PRKG1: variants seen among roughly 807,000 people sequenced by gnomAD.
The protein encoded by PRKG1 is protein kinase cGMP-dependent 1.
A neutral mutation model predicts 88.1 loss-of-function variants in PRKG1; 35 were observed. The observed-to-expected ratio is 0.40, with a 90% confidence interval of 0.30 to 0.53. The LOEUF is 0.53. Among genes scored for constraint, PRKG1 ranks in the 20% least tolerant of loss-of-function variants. The pLI is 0.59. For synonymous variants in PRKG1, 303 were observed against 292.5 expected, an observed-to-expected ratio of 1.04 and a Z score of -0.37; for missense variants, 540 against 839.8, an observed-to-expected ratio of 0.64 and a Z score of 4.41.
intron 3 of PRKG1, among the ~76,000 whole-genome samples, chr10:51,620,983 A>ATGTG (rs1314158540): frequency 1.9e-4 from 22 of 116,686 alleles, no homozygotes; most frequent in Admixed American, 4.9e-4. Context: ...CCGTATATGT[A>ATGTG]TGTGTGTGTG....
At chr10:51,128,205 A>G (rs868021253) in intron 1 of PRKG1, among the ~76,000 whole-genome samples, 43 of 56,174 alleles carry the variant, frequency 7.7e-4, no homozygotes, top group Admixed American at 1.8e-3. Flanking sequence ...TTTTTGTGAT[A>G]CTTAAAAAAA....
At chr10:51,842,701 A>G (rs1326526182) in intron 4 of PRKG1, among the ~76,000 whole-genome samples, 1 of 152,184 alleles carries the variant, frequency 6.6e-6, no homozygotes, top group Non-Finnish European at 1.5e-5. Context: ...GTGTATATGT[A>G]TATTCATATA....
intron 4 of PRKG1, among the ~76,000 whole-genome samples, chr10:51,889,570 C>T (rs1450678617): frequency 6.6e-6 from 1 of 152,036 alleles, no homozygotes; most frequent in Non-Finnish European, 1.5e-5. Flanking sequence ...TGGTTATATA[C>T]CTAGTAATTG....
chr10:51,358,028 A>C (rs1842403403), intron 2 of PRKG1, among the ~76,000 whole-genome samples: 2 of 151,962 alleles, frequency 1.3e-5, no homozygotes, highest in South Asian at 2.1e-4. Flanking sequence ...TTACGCCAAA[A>C]CTTAGTGGCT....
chr10:51,605,412 G>A (rs189139702), intron 3 of PRKG1, among the ~76,000 whole-genome samples: 2 of 152,270 alleles, frequency 1.3e-5, no homozygotes, highest in Admixed American at 1.3e-4. Flanking sequence ...TCGTATCACT[G>A]TTACACACCT....
intron 1 of PRKG1, among the ~76,000 whole-genome samples, chr10:51,009,559 A>G (rs1473147684): frequency 1.3e-5 from 2 of 152,234 alleles, no homozygotes. Flanking sequence ...TCTTAAGAAT[A>G]TAAGAAAAAT....
chr10:51,675,343 G>A (rs764567832), intron 3 of PRKG1, among the ~76,000 whole-genome samples: 2 of 152,188 alleles, frequency 1.3e-5, no homozygotes. Flanking sequence ...ACACAAATAT[G>A]AGTGTACTGT....
intron 2 of PRKG1, among the ~76,000 whole-genome samples, chr10:51,346,079 G>A (rs1842107118): frequency 6.6e-6 from 1 of 152,174 alleles, no homozygotes; most frequent in Non-Finnish European, 1.5e-5. Flanking sequence ...AGCCTGCTCT[G>A]TGTGATGTTT....
intron 3 of PRKG1, among the ~76,000 whole-genome samples, chr10:51,474,365 A>G (rs1035863927): frequency 1.3e-5 from 2 of 152,042 alleles, no homozygotes; most frequent in Non-Finnish European, 2.9e-5. Flanking sequence ...CTCCGCTTTC[A>G]CAAAAACTTA....
intron 4 of PRKG1, among the ~76,000 whole-genome samples, chr10:51,885,592 A>G (rs7894564): frequency 0.42 from 63,236 of 151,980 alleles, 13,484 homozygotes; most frequent in East Asian, 0.62. Flanking sequence ...TACTTCTCCC[A>G]TATCAAATCC....
rs1404944023 is a variant in PRKG1, at chr10:51,418,349, C to T, written c.479-49374C>T. Among the ~76,000 whole-genome samples the T allele has an allele frequency of 5.9e-5, 9 of 152,230 alleles. No individual in the cohort carries two copies. The East Asian group carries it at 1.5e-3, about 26-fold the overall frequency. ...AATAAGGGATGTTGGCTGAATCATACAACACTATCAATTTGTAGACTAAAA... is the reference window on the plus strand; with the variant it reads ...AATAAGGGATGTTGGCTGAATCATATAACACTATCAATTTGTAGACTAAAA... On this transcript the variant is annotated intron_variant, in intron 2 of 17. Transcript: ENST00000373980.
intron 5 of PRKG1, among the ~76,000 whole-genome samples, chr10:52,014,269 A>G (rs1454875587): frequency 2.0e-5 from 3 of 152,178 alleles, no homozygotes; most frequent in Non-Finnish European, 4.4e-5. Context: ...CAAGAAACTT[A>G]CAATCATGGC....
chr10:51,186,598 G>A (rs74133516), intron 2 of PRKG1, among the ~76,000 whole-genome samples: 5,260 of 151,982 alleles, frequency 0.035, 298 homozygotes, highest in African/African-American at 0.12. Flanking sequence ...TAGGAGAAGA[G>A]GCCAAGTTAT....
chr10:52,026,999 T>C (rs1845357347), intron 5 of PRKG1, among the ~76,000 whole-genome samples: 1 of 151,826 alleles, frequency 6.6e-6, no homozygotes, highest in African/African-American at 2.4e-5. Flanking sequence ...AAGAGGCGAA[T>C]TTCGTGATAT....
intron 2 of PRKG1, among the ~76,000 whole-genome samples, chr10:51,178,866 A>G (rs1837270541): frequency 6.6e-6 from 1 of 152,204 alleles, no homozygotes; most frequent in Admixed American, 6.5e-5. Flanking sequence ...AGCCTTAAAC[A>G]TATCTTCCAA....
At chr10:51,296,100 A>C (rs1187615811) in intron 2 of PRKG1, among the ~76,000 whole-genome samples, 1 of 152,068 alleles carries the variant, frequency 6.6e-6, no homozygotes, top group Non-Finnish European at 1.5e-5. Flanking sequence ...GGATTTTTGC[A>C]TCAGTATTTA....
intron 1 of PRKG1, among the ~76,000 whole-genome samples, chr10:51,139,515 C>T (rs1845773745): frequency 1.3e-5 from 2 of 152,112 alleles, no homozygotes; most frequent in African/African-American, 4.8e-5. Context: ...TCTCTCTTGA[C>T]CCCACCTCTA....
intron 4 of PRKG1, among the ~76,000 whole-genome samples, chr10:51,821,171 G>A (rs572001925): frequency 2.6e-5 from 4 of 152,110 alleles, no homozygotes; most frequent in Non-Finnish European, 4.4e-5. Flanking sequence ...ACCTTTTGCT[G>A]TGTGTATCAA....
chr10:51,616,086 GTTAT>G (rs1350084050), intron 3 of PRKG1, among the ~76,000 whole-genome samples: 1 of 152,190 alleles, frequency 6.6e-6, no homozygotes, highest in African/African-American at 2.4e-5. Context: ...CAGCATCATT[GTTAT>G]TTATTATTTC....
Sources: allele counts gnomAD v4.1 joint callset (sites outside exome capture counted in the v4.1 genomes callset), GRCh38; gene constraint gnomAD v4.1.1; transcripts MANE v1.5; gene names NCBI Gene and HGNC (gene_info 2026-07-23, HGNC 2026-07-21).